The following PPP3CA variants were observed in gnomAD, a reference collection of about 807,000 sequenced individuals.
PPP3CA encodes CAM-PRP catalytic subunit.
In PPP3CA, 14 loss-of-function variants were observed where a neutral mutation model predicts 66.5. That is an observed-to-expected ratio of 0.21 (90% CI 0.14 to 0.33). PPP3CA has a LOEUF of 0.33. PPP3CA is among the 10% of genes least tolerant of loss of function. PPP3CA has a pLI of 1.00. For missense variants in PPP3CA, 317 were observed against 639.5 expected (o/e 0.50, Z 5.44); for synonymous variants, 232 against 226.2 (o/e 1.03, Z -0.23).
intron 12 of PPP3CA, among the ~76,000 whole-genome samples, chr4:101,032,037 TGTGAATGA>T (rs1726989852): frequency 6.6e-6 from 1 of 152,148 alleles, no homozygotes; most frequent in Non-Finnish European, 1.5e-5. Flanking sequence ...TAGATTAACA[TGTGAATGA>T]GGGAATGGGG....
intron 1 of PPP3CA, among the ~76,000 whole-genome samples, chr4:101,222,094 A>G (rs964970194): frequency 6.6e-6 from 1 of 151,658 alleles, no homozygotes; most frequent in African/African-American, 2.4e-5. Flanking sequence ...CAGATTATAA[A>G]TGCATTCTAA....
At chr4:101,128,354 T>C (rs554989531) in intron 2 of PPP3CA, among the ~76,000 whole-genome samples, 1 of 152,266 alleles carries the variant, frequency 6.6e-6, no homozygotes, top group South Asian at 2.1e-4. Context: ...CATCATACAT[T>C]ATATGTATTG....
chr4:101,026,962 A>G (rs773887075), intron 13 of PPP3CA, among the ~76,000 whole-genome samples: 3 of 152,264 alleles, frequency 2.0e-5, no homozygotes, highest in African/African-American at 4.8e-5. Context: ...CAATTAAAAC[A>G]TGGAATTCTC....
intron 1 of PPP3CA, among the ~76,000 whole-genome samples, chr4:101,211,153 A>C (rs750511077): frequency 1.1e-4 from 16 of 152,174 alleles, no homozygotes; most frequent in Admixed American, 6.5e-4. Context: ...ATCGCACAGC[A>C]AATAAGCAGG....
At chr4:101,186,025 A>C (rs2110179970) in intron 2 of PPP3CA, among the ~76,000 whole-genome samples, 1 of 152,330 alleles carries the variant, frequency 6.6e-6, no homozygotes, top group East Asian at 1.9e-4. Flanking sequence ...AGTGTACAAA[A>C]GAATAAAGGC....
chr4:101,281,247 G>C lies in PPP3CA; in HGVS notation c.58+65492C>G, dbSNP rs1027510587. 2.0e-5 allele frequency among the ~76,000 whole-genome samples: 3 copies of C among 152,328 alleles called. No individual in the cohort carries two copies. The East Asian group carries it at 5.8e-4, about 29-fold the overall frequency. ...AGAAGAGCAATTTGAGACAGTGAAC[G>C]TACATAATTCTTTTGGAGAGTTTTG... On this transcript the variant is annotated intron_variant, in intron 1 of 13. Coordinates refer to ENST00000394854, the MANE Select transcript of PPP3CA (RefSeq NM_000944.5).
chr4:101,319,564 T>A (rs976250562), intron 1 of PPP3CA, among the ~76,000 whole-genome samples: 1 of 152,250 alleles, frequency 6.6e-6, no homozygotes, highest in African/African-American at 2.4e-5. Flanking sequence ...CAATTTCAAA[T>A]GGGCAGATTA....
intron 1 of PPP3CA, among the ~76,000 whole-genome samples, chr4:101,213,568 C>T (rs1003440793): frequency 2.0e-5 from 3 of 152,042 alleles, no homozygotes. Flanking sequence ...AGGTTTTCAA[C>T]TTAAAAAAAC....
intron 1 of PPP3CA, among the ~76,000 whole-genome samples, chr4:101,263,116 T>C (rs1727058458): frequency 6.6e-6 from 1 of 152,174 alleles, no homozygotes; most frequent in Non-Finnish European, 1.5e-5. Flanking sequence ...AGAGATATTT[T>C]TCATTTTCTT....
intron 2 of PPP3CA, among the ~76,000 whole-genome samples, chr4:101,149,380 A>G (rs1056718935): frequency 2.6e-5 from 4 of 152,196 alleles, no homozygotes; most frequent in African/African-American, 4.8e-5. Context: ...AGAAAATAAC[A>G]AAAGAAATTG....
chr4:101,299,573 T>C (rs1343489750), intron 1 of PPP3CA, among the ~76,000 whole-genome samples: 1 of 152,000 alleles, frequency 6.6e-6, no homozygotes. Context: ...AACTGAATCA[T>C]CGTTATGCAG....
At chr4:101,297,356 AC>A in intron 1 of PPP3CA, among the ~76,000 whole-genome samples, 1 of 152,212 alleles carries the variant, frequency 6.6e-6, no homozygotes, top group Non-Finnish European at 1.5e-5. Flanking sequence ...ATGGGGCAAA[AC>A]TAATGATGAT....
rs546656787 is a variant in PPP3CA, at chr4:101,207,045, A to T, written c.59-10929T>A. ...ACAGATAGAAAACTGAAAAGGGACAAGAAAAAAAAATTGCAAACATTTTGA... is the reference window on the plus strand; with the variant it reads ...ACAGATAGAAAACTGAAAAGGGACATGAAAAAAAAATTGCAAACATTTTGA... On this transcript the variant is annotated intron_variant, in intron 1 of 13. Transcript: ENST00000394854. 1.9e-4 allele frequency among the ~76,000 whole-genome samples: 29 copies of T among 152,352 alleles called. 1 individual carries two copies. The South Asian group carries it at 5.8e-3, about 30-fold the overall frequency.
intron 2 of PPP3CA, among the ~76,000 whole-genome samples, chr4:101,144,253 T>A (rs779266256): frequency 3.3e-5 from 5 of 152,140 alleles, no homozygotes; most frequent in Non-Finnish European, 4.4e-5. Flanking sequence ...GATCAAGTCT[T>A]TTCCTTACTA....
chr4:101,323,043 G>A (rs1485654857), intron 1 of PPP3CA, among the ~76,000 whole-genome samples: 1 of 152,064 alleles, frequency 6.6e-6, no homozygotes, highest in Non-Finnish European at 1.5e-5. Flanking sequence ...TTTCTCATTA[G>A]AGCACTAAAA....
chr4:101,183,834 C>T (rs1393742256), intron 2 of PPP3CA, among the ~76,000 whole-genome samples: 2 of 152,062 alleles, frequency 1.3e-5, no homozygotes, highest in African/African-American at 4.8e-5. Context: ...ATTCTTGCTT[C>T]AATAACTCAT....
chr4:101,315,686 C>T (rs1219517235), intron 1 of PPP3CA, among the ~76,000 whole-genome samples: 1 of 152,150 alleles, frequency 6.6e-6, no homozygotes, highest in Non-Finnish European at 1.5e-5. Context: ...AGCTCAGTTC[C>T]CGCTCACAGA....
chr4:101,048,600 T>C lies in PPP3CA; in HGVS notation c.1157-8034A>G, dbSNP rs111331997. Among the ~76,000 whole-genome samples the C allele has an allele frequency of 2.0e-3, 294 of 146,570 alleles. 2 individuals are homozygous for C. Among genetic ancestry groups the C allele is most frequent in the African/African-American group, 6.8e-3 (272 of 39,964 alleles). Reference sequence around the variant, plus strand: ...AGAGAAACACATTCAAGACAACAAGTGAAAAAAATCCTGGTAAAAATTCAT... The same window carrying C: ...AGAGAAACACATTCAAGACAACAAGCGAAAAAAATCCTGGTAAAAATTCAT... On this transcript the variant is annotated intron_variant, in intron 10 of 13. Transcript: ENST00000394854.
chr4:101,181,355 C>G (rs189531095), intron 2 of PPP3CA, among the ~76,000 whole-genome samples: 2 of 151,982 alleles, frequency 1.3e-5, no homozygotes, highest in Admixed American at 1.3e-4. Context: ...ATACTCAATA[C>G]TCTAAAAACC....
Sources: gnomAD v4.1 joint callset for allele counts (sites outside exome capture counted in the v4.1 genomes callset) on GRCh38, gnomAD v4.1.1 for gene constraint, MANE v1.5 for transcripts, NCBI Gene and HGNC (gene_info 2026-07-23, HGNC 2026-07-21) for gene names.